CNTNAP2: variants seen among roughly 807,000 people sequenced by gnomAD.
CNTNAP2 encodes contactin-associated protein-like 2.
In CNTNAP2, 98 loss-of-function variants were observed where a neutral mutation model predicts 155.2. The observed-to-expected ratio is 0.63, with a 90% CI of 0.54 to 0.75. The LOEUF is 0.75. Ranked by LOEUF, CNTNAP2 falls within the 30% of genes least tolerant of loss-of-function variation. CNTNAP2 has a pLI of 0.00. For missense variants in CNTNAP2, 1,727 were observed against 1,688.1 expected (o/e 1.02, Z -0.40); for synonymous variants, 651 against 631.2 (o/e 1.03, Z -0.47).
intron 10 of CNTNAP2, among the ~76,000 whole-genome samples, chr7:147,481,126 T>C (rs1209239807): frequency 6.6e-6 from 1 of 152,204 alleles, no homozygotes; most frequent in African/African-American, 2.4e-5. Context: ...CAAATATGGT[T>C]TTAAAGGTAA....
intron 1 of CNTNAP2, among the ~76,000 whole-genome samples, chr7:146,244,111 G>A (rs1799606109): frequency 1.4e-4 from 21 of 149,948 alleles, no homozygotes; most frequent in South Asian, 2.1e-4. Context: ...TGGAATAAGA[G>A]AAGGAGAAAA....
intron 14 of CNTNAP2, among the ~76,000 whole-genome samples, chr7:147,904,175 A>AT (rs1799921023): frequency 6.6e-6 from 1 of 152,218 alleles, no homozygotes; most frequent in African/African-American, 2.4e-5. Flanking sequence ...AAGGGAAAAA[A>AT]CAAAGAAACA....
At chr7:146,936,201 C>T (rs189411641) in intron 3 of CNTNAP2, among the ~76,000 whole-genome samples, 289 of 152,212 alleles carry the variant, frequency 1.9e-3, no homozygotes, top group African/African-American at 6.5e-3. Flanking sequence ...AACAAAATTA[C>T]GGGAGGCTAT....
chr7:146,873,017 T>G (rs1029333041), intron 3 of CNTNAP2, among the ~76,000 whole-genome samples: 1 of 152,216 alleles, frequency 6.6e-6, no homozygotes, highest in Non-Finnish European at 1.5e-5. Flanking sequence ...CATGAGAAAT[T>G]GTGCCAGATC....
chr7:146,650,057 T>G (rs1010341809), intron 1 of CNTNAP2, among the ~76,000 whole-genome samples: 44 of 152,132 alleles, frequency 2.9e-4, no homozygotes, highest in African/African-American at 1.1e-3. Context: ...ACTTTTACAC[T>G]GCTGGTGGGA....
At chr7:147,482,272 G>A (rs953004551) in intron 10 of CNTNAP2, among the ~76,000 whole-genome samples, 3 of 151,990 alleles carry the variant, frequency 2.0e-5, no homozygotes, top group Non-Finnish European at 4.4e-5. Context: ...TTAGTATTTT[G>A]TTTTGCTTGG....
chr7:147,201,007 T>G (rs1212526490), intron 8 of CNTNAP2, among the ~76,000 whole-genome samples: 2 of 152,160 alleles, frequency 1.3e-5, no homozygotes, highest in Non-Finnish European at 2.9e-5. Flanking sequence ...TGAAGATGGA[T>G]TTAAAAGGTA....
At chr7:147,833,640 A>G (rs557884963) in intron 13 of CNTNAP2, among the ~76,000 whole-genome samples, 44 of 152,292 alleles carry the variant, frequency 2.9e-4, no homozygotes, top group African/African-American at 1.0e-3. Context: ...TCCGGTATCT[A>G]TTGGTGAACT....
intron 16 of CNTNAP2, among the ~76,000 whole-genome samples, chr7:148,143,716 T>G (rs1001490981): frequency 2.0e-5 from 3 of 152,128 alleles, no homozygotes; most frequent in Admixed American, 6.6e-5. Flanking sequence ...AGTTGAACAA[T>G]GTCAGCCATG....
intron 2 of CNTNAP2, among the ~76,000 whole-genome samples, chr7:146,821,892 A>T (rs1262218612): frequency 6.6e-6 from 1 of 151,596 alleles, no homozygotes. Context: ...AACTAGTTCA[A>T]CCATTGTGGA....
chr7:148,033,898 C>T (rs2710156), intron 15 of CNTNAP2, among the ~76,000 whole-genome samples: 17,694 of 152,016 alleles, frequency 0.12, 1,551 homozygotes, highest in East Asian at 0.27. Flanking sequence ...TATATTCCTG[C>T]CAAGGAGGGA....
Position 146,252,518 on chromosome 7 carries a change from A to G in CNTNAP2, c.97+135545A>G, listed in dbSNP as rs539438238. On this transcript the variant is annotated intron_variant, in intron 1 of 23. Coordinates refer to ENST00000361727, the MANE Select transcript of CNTNAP2 (RefSeq NM_014141.6). ...TGTTTTCGGAAATACCTGTAGTGTC[A>G]GTAGACAAAGTAGAACAAAATGAGA... 2.6e-5 allele frequency among the ~76,000 whole-genome samples: 4 copies of G among 152,308 alleles called. No individual in the cohort carries two copies. In the South Asian group the frequency reaches 8.3e-4, roughly 32 times the overall value.
intron 1 of CNTNAP2, among the ~76,000 whole-genome samples, chr7:146,152,121 C>T (rs940729305): frequency 2.9e-4 from 44 of 151,784 alleles, no homozygotes; most frequent in Non-Finnish European, 5.9e-5. Context: ...TCTATGTGTC[C>T]ATCAATAGAT....
chr7:147,495,263 G>T (rs576630783), intron 11 of CNTNAP2, among the ~76,000 whole-genome samples: 4 of 152,164 alleles, frequency 2.6e-5, no homozygotes, highest in Non-Finnish European at 5.9e-5. Flanking sequence ...GTTCTGTAGA[G>T]AAACAGAACT....
At chr7:146,730,600 T>C (rs955182985) in intron 1 of CNTNAP2, among the ~76,000 whole-genome samples, 3 of 152,182 alleles carry the variant, frequency 2.0e-5, no homozygotes, top group Non-Finnish European at 4.4e-5. Flanking sequence ...TTTATTAATA[T>C]GTAAATATGC....
At chr7:146,772,809 G>T (rs941155623) in intron 1 of CNTNAP2, among the ~76,000 whole-genome samples, 3 of 152,194 alleles carry the variant, frequency 2.0e-5, no homozygotes, top group African/African-American at 7.2e-5. Flanking sequence ...TTGGGCAGGG[G>T]TACTTTGAAC....
chr7:147,235,139 C>T (rs1803769632), intron 8 of CNTNAP2, among the ~76,000 whole-genome samples: 1 of 152,000 alleles, frequency 6.6e-6, no homozygotes, highest in African/African-American at 2.4e-5. Flanking sequence ...CTGACTCTTC[C>T]CCGAGTGAGA....
At chr7:147,137,738 G>A (rs1225836415) in intron 8 of CNTNAP2, among the ~76,000 whole-genome samples, 1 of 151,746 alleles carries the variant, frequency 6.6e-6, no homozygotes, top group Admixed American at 6.6e-5. Context: ...TGTCTATAAT[G>A]TTTAATTATT....
chr7:146,337,571 A>C (rs1418343198), intron 1 of CNTNAP2, among the ~76,000 whole-genome samples: 1 of 152,082 alleles, frequency 6.6e-6, no homozygotes. Context: ...TGATACTCCA[A>C]CCTCAGCCTC....
Sources: gnomAD v4.1 joint callset for allele counts (sites outside exome capture counted in the v4.1 genomes callset) on GRCh38, gnomAD v4.1.1 for gene constraint, MANE v1.5 for transcripts, NCBI Gene and HGNC (gene_info 2026-07-23, HGNC 2026-07-21) for gene names.